Variants in ANKS1A observed in about 807,000 individuals in gnomAD.
ANKS1A encodes the protein ankyrin repeat and SAM domain-containing protein 1A.
ANKS1A carries 55 observed loss-of-function variants against 120.3 expected under a neutral mutation model. That is an observed-to-expected ratio of 0.46 (90% CI 0.37 to 0.57). The LOEUF (loss-of-function observed/expected upper bound fraction) is 0.57. Ranked by LOEUF, ANKS1A falls within the 20% of genes least tolerant of loss-of-function variation. The pLI is 0.00. For missense variants in ANKS1A, 1,123 were observed against 1,480.3 expected (o/e 0.76, Z 3.96); for synonymous variants, 590 against 604.7 (o/e 0.98, Z 0.36).
rs150148727 is a variant in ANKS1A, at chr6:35,017,177, G to A, written c.1424-296G>A. 4.0e-3 allele frequency among the ~76,000 whole-genome samples: 603 copies of A among 152,228 alleles called. 2 individuals are homozygous for A. The highest frequency in any genetic ancestry group is 0.014 in the Middle Eastern group (4 of 292). Reference sequence around the variant, plus strand: ...TCGCCTTATATAGCAAGGTCTGGTCGTTAATGTTAACAGAAATCTAACAAC... The same window carrying A: ...TCGCCTTATATAGCAAGGTCTGGTCATTAATGTTAACAGAAATCTAACAAC... On this transcript the variant is annotated intron_variant, in intron 10 of 23. Transcript: ENST00000360359.
rs148365667 is a variant in ANKS1A at position 34,903,347 on chromosome 6, C to CT, written c.197+13762dup. ...ACAGGCAAATCATCATGTAGAAAAACTTTTTTTTTTTTTTCCAAGAGAGGA... is the reference window on the plus strand; with the variant it reads ...ACAGGCAAATCATCATGTAGAAAAACTTTTTTTTTTTTTTTCCAAGAGAGGA... On this transcript the variant is annotated intron_variant, in intron 1 of 23. Coordinates refer to ENST00000360359, the MANE Select transcript of ANKS1A (RefSeq NM_015245.3). 7.1e-3 allele frequency among the ~76,000 whole-genome samples: 1,036 copies of CT among 144,956 alleles called. 8 individuals carry two copies. Among genetic ancestry groups the CT allele is most frequent in the African/African-American group, 0.019 (764 of 39,752 alleles).
intron 17 of ANKS1A, among the ~76,000 whole-genome samples, chr6:35,081,928 C>T (rs1358008660): frequency 2.0e-5 from 3 of 152,210 alleles, no homozygotes; most frequent in Admixed American, 6.5e-5. Flanking sequence ...ACTTCAGCTT[C>T]ACCCCTGCTT....
At position 34,966,684 on chromosome 6, in the gene ANKS1A, G is replaced by A. The variant is rs553375398; in HGVS notation, c.198-555G>A. 7.9e-5 allele frequency among the ~76,000 whole-genome samples: 12 copies of A among 152,222 alleles called. No individual in the cohort carries two copies. In the East Asian group the frequency reaches 2.3e-3, roughly 29 times the overall value. On this transcript the variant is annotated intron_variant, in intron 1 of 23. Transcript: ENST00000360359. ...GGTAACATTTCAGCTTCCCTCCTAT[G>A]GTATTTTTAAGTCAGATAAGACACT...
At chr6:34,946,590 A>C (rs1769809567) in intron 1 of ANKS1A, among the ~76,000 whole-genome samples, 1 of 149,814 alleles carries the variant, frequency 6.7e-6, no homozygotes, top group Non-Finnish European at 1.5e-5. Context: ...TCTGTCTTGA[A>C]AAAAAAAAAA....
At chr6:34,961,388 T>A (rs1468187862) in intron 1 of ANKS1A, among the ~76,000 whole-genome samples, 1 of 152,174 alleles carries the variant, frequency 6.6e-6, no homozygotes, top group East Asian at 1.9e-4. Context: ...TTCGTTTAGA[T>A]TTTGTTTAAT....
chr6:34,912,081 T>C (rs972257677), intron 1 of ANKS1A, among the ~76,000 whole-genome samples: 1 of 152,278 alleles, frequency 6.6e-6, no homozygotes, highest in African/African-American at 2.4e-5. Context: ...AAGCTGAGTA[T>C]GTGACCTCTG....
intron 1 of ANKS1A, among the ~76,000 whole-genome samples, chr6:34,964,880 T>G (rs1770817334): frequency 6.6e-6 from 1 of 152,246 alleles, no homozygotes; most frequent in Non-Finnish European, 1.5e-5. Context: ...TTTCCTAATA[T>G]TTAGAAACAC....
At chr6:35,029,771 A>G (rs969059580) in intron 11 of ANKS1A, among the ~76,000 whole-genome samples, 4 of 148,420 alleles carry the variant, frequency 2.7e-5, no homozygotes, top group Admixed American at 6.7e-5. Flanking sequence ...AATTACATAT[A>G]TAATATATAC....
At chr6:35,093,646 A>T (rs1778375779), downstream of ANKS1A, among the ~76,000 whole-genome samples, 1 of 152,236 alleles carries the variant, frequency 6.6e-6, no homozygotes, top group Non-Finnish European at 1.5e-5. Flanking sequence ...GTCTCGGAAG[A>T]TCAGTAGATG....
chr6:34,981,347 A>G lies in ANKS1A; in HGVS notation c.436-343A>G, dbSNP rs545028743. Among the ~76,000 whole-genome samples, 81 of 152,192 alleles carry G rather than the reference A, an allele frequency of 5.3e-4. 1 individual carries two copies. The highest frequency in any genetic ancestry group is 1.0e-3 in the Non-Finnish European group (70 of 68,038). ...AGTTTAAACTGAAATAATAGCAGTG[A>G]TATTATTGGTATTCATCTTGCCAGG... On this transcript the variant is annotated intron_variant, in intron 3 of 23. Coordinates refer to ENST00000360359, the MANE Select transcript of ANKS1A (RefSeq NM_015245.3).
intron 11 of ANKS1A, among the ~76,000 whole-genome samples, chr6:35,043,369 T>C (rs142873413): frequency 7.2e-5 from 11 of 152,306 alleles, no homozygotes; most frequent in East Asian, 3.9e-4. Context: ...AACAGGAACC[T>C]TGATGAGGAA....
chr6:34,979,754 G>T (rs1389485087), intron 3 of ANKS1A, among the ~76,000 whole-genome samples: 1 of 152,106 alleles, frequency 6.6e-6, no homozygotes. Context: ...AGTTTTTCTG[G>T]ATTGGAATTT....
chr6:34,958,261 C>T (rs2127498734), intron 1 of ANKS1A, among the ~76,000 whole-genome samples: 1 of 152,316 alleles, frequency 6.6e-6, no homozygotes, highest in South Asian at 2.1e-4. Flanking sequence ...ATTCTCACTA[C>T]TCACTGAGTA....
At chr6:35,023,798 G>A (rs1194930406) in intron 11 of ANKS1A, 2 of 261,208 alleles carry the variant, frequency 7.7e-6, no homozygotes, top group Admixed American at 4.0e-5. Context: ...ATTTAGAGAT[G>A]GTGACATTCT....
At chr6:35,005,709 C>A in intron 10 of ANKS1A, 8 of 443,492 alleles carry the variant, frequency 1.8e-5, no homozygotes, top group South Asian at 1.3e-4. Flanking sequence ...AGATTTCTGA[C>A]AATTTTGATC....
In ANKS1A at chr6:34,981,994, G is replaced by A. The variant is rs369402947; in HGVS notation, c.732+8G>A. 110 of 1,612,704 alleles carry A rather than the reference G, an allele frequency of 6.8e-5. No homozygotes were observed. Among genetic ancestry groups the A allele is most frequent in the Non-Finnish European group, 8.9e-5 (105 of 1,179,132 alleles). ...ATGGACAGCAACTACCAGGTAGCAG[G>A]GCGGGTGGGGGCTCCTCCAATCTCA... On this transcript the variant is annotated splice_region_variant and intron_variant, in intron 4 of 23. Coordinates refer to ENST00000360359, the MANE Select transcript of ANKS1A (RefSeq NM_015245.3).
intron 10 of ANKS1A, among the ~76,000 whole-genome samples, chr6:35,005,446 C>A (rs538393329): frequency 4.7e-4 from 72 of 152,092 alleles, no homozygotes; most frequent in African/African-American, 1.7e-3. Flanking sequence ...TAATACTTGG[C>A]CAAAGTAGTA....
chr6:35,091,077 G>T lies in ANKS1A; in HGVS notation c.*2468G>T, dbSNP rs541482646. 8.1e-5 allele frequency: 80 copies of T among 985,918 alleles called. No homozygotes were observed. In the Admixed American group the frequency reaches 8.6e-4, roughly 11 times the overall value. 61.1% of individuals were successfully genotyped at this position (985,918 alleles called of 1,614,324 possible). On this transcript the variant is annotated 3_prime_UTR_variant, in exon 24 of 24. Coordinates refer to ENST00000360359, the MANE Select transcript of ANKS1A (RefSeq NM_015245.3). ...TGTCTTTGAGATGCCCAGGCCAGCA[G>T]AAAGCAGCTCAGAAGTATTGTTGCT...
At chr6:35,083,585 G>C in intron 20 of ANKS1A, 82 bp downstream of exon 20, 1 of 1,357,146 alleles carries the variant, frequency 7.4e-7, no homozygotes, top group Non-Finnish European at 1.1e-6. Context: ...AAGCAACCCG[G>C]CTGCCCTGTC....
Sources: allele counts gnomAD v4.1 joint callset (sites outside exome capture counted in the v4.1 genomes callset), GRCh38; gene constraint gnomAD v4.1.1; transcripts MANE v1.5; gene names NCBI Gene and HGNC (gene_info 2026-07-23, HGNC 2026-07-21).